The following BABAM2 variants were observed in gnomAD, a reference collection of about 807,000 sequenced individuals.
BABAM2 encodes the protein BRISC and BRCA1 A complex member 2, also known as BRISC and BRCA1-A complex member 2.
BABAM2 carries 31 observed loss-of-function variants against 54.7 expected under a neutral mutation model. The observed-to-expected ratio is 0.57, with a 90% CI of 0.43 to 0.77. The LOEUF (loss-of-function observed/expected upper bound fraction) is 0.77. Among genes scored for constraint, BABAM2 ranks in the 30% least tolerant of loss-of-function variants. The probability of loss-of-function intolerance (pLI) is 0.00; values close to 1 mark genes in which losing one functional copy is unlikely to be tolerated. For synonymous variants in BABAM2, 167 were observed against 162.9 expected (o/e 1.03, Z -0.19); for missense variants, 364 against 455.8 (o/e 0.80, Z 1.83).
At chr2:28,217,450 G>T (rs1464623511) in intron 7 of BABAM2, among the ~76,000 whole-genome samples, 1 of 152,204 alleles carries the variant, frequency 6.6e-6, no homozygotes, top group Non-Finnish European at 1.5e-5. Flanking sequence ...GGACCACTTG[G>T]AGAGTGATTC....
chr2:27,911,701 T>C (rs575838216), intron 2 of BABAM2, among the ~76,000 whole-genome samples: 15 of 152,280 alleles, frequency 9.9e-5, no homozygotes, highest in Non-Finnish European at 1.8e-4. Flanking sequence ...GACCTGTAGT[T>C]CATCCATTTC....
chr2:28,064,164 A>G (rs1239978094), intron 6 of BABAM2, among the ~76,000 whole-genome samples: 1 of 152,232 alleles, frequency 6.6e-6, no homozygotes, highest in Non-Finnish European at 1.5e-5. Context: ...GTGGAGACCC[A>G]TAGTAGTCCT....
At chr2:28,306,689 TA>T (rs1169859007) in intron 11 of BABAM2, among the ~76,000 whole-genome samples, 3 of 151,984 alleles carry the variant, frequency 2.0e-5, no homozygotes, top group Non-Finnish European at 4.4e-5. Flanking sequence ...ATTTCTTTTT[TA>T]TTTTTTTATT....
In BABAM2 at chr2:28,281,283, G is replaced by A. The variant is rs870969; in HGVS notation, c.935-17055G>A. Among the ~76,000 whole-genome samples the A allele has an allele frequency of 1.4e-4, 22 of 152,242 alleles. 1 individual carries two copies. The highest frequency in any genetic ancestry group is 4.3e-4 in the African/African-American group (18 of 41,524). On this transcript the variant is annotated intron_variant, in intron 10 of 11. Coordinates refer to ENST00000379624, the MANE Select transcript of BABAM2 (RefSeq NM_199191.3). ...TTAAGGTAATTAAACTGGCCTCCACGTGTAGGACAGATAGAAGGACAATTC... is the reference window on the plus strand; with the variant it reads ...TTAAGGTAATTAAACTGGCCTCCACATGTAGGACAGATAGAAGGACAATTC...
intron 6 of BABAM2, among the ~76,000 whole-genome samples, chr2:28,109,447 CA>C (rs980595606): frequency 6.6e-6 from 1 of 152,100 alleles, no homozygotes; most frequent in Non-Finnish European, 1.5e-5. Flanking sequence ...CTTGGCCTCC[CA>C]AAGTGCTGGG....
chr2:27,988,261 AGAG>A (rs1672541755), intron 4 of BABAM2, among the ~76,000 whole-genome samples, 174 bp downstream of exon 4: 1 of 152,186 alleles, frequency 6.6e-6, no homozygotes, highest in Non-Finnish European at 1.5e-5. Flanking sequence ...TAGTTAAATA[AGAG>A]GTTTTTTTCA....
chr2:27,927,961 A>G (rs1667832890), intron 2 of BABAM2, among the ~76,000 whole-genome samples: 1 of 151,438 alleles, frequency 6.6e-6, no homozygotes, highest in South Asian at 2.1e-4. Flanking sequence ...CTCCTGCCTC[A>G]GCCTTCTGAG....
chr2:28,112,165 C>CTTTA (rs1558346977), intron 6 of BABAM2, among the ~76,000 whole-genome samples: 1 of 31,074 alleles, frequency 3.2e-5, no homozygotes, highest in African/African-American at 1.8e-4. Flanking sequence ...CTCCCTCCCT[C>CTTTA]CCTCCCTCCC....
intron 2 of BABAM2, among the ~76,000 whole-genome samples, chr2:27,918,815 A>G (rs1667161491): frequency 6.6e-6 from 1 of 152,086 alleles, no homozygotes; most frequent in African/African-American, 2.4e-5. Flanking sequence ...CAGACTCCCA[A>G]GTAGCTGGTA....
At chr2:28,069,827 T>C (rs1173216820) in intron 6 of BABAM2, among the ~76,000 whole-genome samples, 1 of 152,226 alleles carries the variant, frequency 6.6e-6, no homozygotes, top group East Asian at 1.9e-4. Flanking sequence ...GAGCTCTTGA[T>C]GAATGTTATT....
chr2:27,931,029 T>C (rs1459607166), intron 3 of BABAM2, among the ~76,000 whole-genome samples: 1 of 152,260 alleles, frequency 6.6e-6, no homozygotes, highest in Non-Finnish European at 1.5e-5. Flanking sequence ...TGTCTCTGTA[T>C]AGTATTTTGT....
At chr2:28,225,531 G>GC (rs1461774221) in intron 7 of BABAM2, among the ~76,000 whole-genome samples, 1 of 152,160 alleles carries the variant, frequency 6.6e-6, no homozygotes, top group African/African-American at 2.4e-5. Flanking sequence ...TTTGCACTGT[G>GC]AAAAGAGCAT....
intron 4 of BABAM2, chr2:28,016,350 T>G: frequency 7.9e-7 from 1 of 1,266,114 alleles, no homozygotes; most frequent in Non-Finnish European, 1.2e-6. Context: ...AGTTGCTCTT[T>G]TACTTCTTCC....
chr2:28,129,486 G>T, intron 7 of BABAM2, 106 bp downstream of exon 7: 1 of 1,047,800 alleles, frequency 9.5e-7, no homozygotes, highest in South Asian at 1.4e-5. Flanking sequence ...TCTCTTCATT[G>T]ACTTTTGTTT....
intron 3 of BABAM2, among the ~76,000 whole-genome samples, chr2:27,965,902 T>G (rs963346018): frequency 3.3e-5 from 5 of 152,164 alleles, no homozygotes; most frequent in Non-Finnish European, 7.3e-5. Context: ...TTGCCTTCTC[T>G]TCATTATTTT....
upstream of BABAM2, chr2:27,890,647 GA>G: frequency 3.8e-6 from 1 of 260,916 alleles, no homozygotes; most frequent in South Asian, 1.2e-4. The surrounding 1 kb of genome is among the most constrained non-coding windows in gnomAD (Gnocchi z 4.8). Flanking sequence ...ACGCCTTTCC[GA>G]GCGCCCGGCT....
At chr2:28,286,790 G>A (rs972714325) in intron 10 of BABAM2, among the ~76,000 whole-genome samples, 1 of 152,174 alleles carries the variant, frequency 6.6e-6, no homozygotes, top group South Asian at 2.1e-4. Context: ...AGAACAGTGA[G>A]TTGAGGGCAT....
At chr2:28,035,411 G>C (rs1001128999) in intron 5 of BABAM2, among the ~76,000 whole-genome samples, 21 of 152,090 alleles carry the variant, frequency 1.4e-4, no homozygotes, top group African/African-American at 4.3e-4. Flanking sequence ...ATATATAGCA[G>C]GGCATGCAGG....
intron 3 of BABAM2, among the ~76,000 whole-genome samples, chr2:27,976,011 C>G (rs895618508): frequency 6.6e-6 from 1 of 152,046 alleles, no homozygotes; most frequent in African/African-American, 2.4e-5. Context: ...CATGATGTAC[C>G]TGTTAGAATG....
Sources: gnomAD v4.1 joint callset for allele counts (sites outside exome capture counted in the v4.1 genomes callset) on GRCh38, gnomAD v4.1.1 for gene constraint, Gnocchi (gnomAD v3.1) non-coding constraint, MANE v1.5 for transcripts, NCBI Gene and HGNC (gene_info 2026-07-23, HGNC 2026-07-21) for gene names.